The following EPHA4 variants were observed in gnomAD, a reference collection of about 807,000 sequenced individuals.
EPHA4 encodes ephrin type-A receptor 4.
EPHA4 carries 19 observed loss-of-function variants against 108.3 expected under a neutral mutation model. That is an observed-to-expected ratio of 0.18 (90% CI 0.12 to 0.26). The LOEUF (loss-of-function observed/expected upper bound fraction) is 0.26, where lower values mean the gene tolerates loss of function less well. Among genes scored for constraint, EPHA4 ranks in the 10% least tolerant of loss-of-function variants. The pLI, the probability that EPHA4 is intolerant of heterozygous loss-of-function variation, is 1.00. For synonymous variants in EPHA4, 449 were observed against 455.5 expected (o/e 0.99, Z 0.18); for missense variants, 917 against 1,254.0 (o/e 0.73, Z 4.06).
chr2:221,441,242 A>G (rs746651274), intron 11 of EPHA4, among the ~76,000 whole-genome samples: 1 of 148,730 alleles, frequency 6.7e-6, no homozygotes, highest in African/African-American at 2.5e-5. Flanking sequence ...TATTAAAAAA[A>G]TAGAGTCCAG....
In EPHA4 at chr2:221,553,634, T is replaced by C. The variant is rs372885207; in HGVS notation, c.823+10097A>G. 1.2e-3 allele frequency among the ~76,000 whole-genome samples: 189 copies of C among 152,272 alleles called. 1 individual carries two copies. The highest frequency in any genetic ancestry group is 5.6e-3 in the East Asian group (29 of 5,182). ...TTTGGCTTGGGCACAGGCAGCTTCA[T>C]TGGGGCAAACTGCTATTCACAGAAA... On this transcript the variant is annotated intron_variant, in intron 3 of 17. Transcript: ENST00000281821.
intron 17 of EPHA4, among the ~76,000 whole-genome samples, chr2:221,420,882 C>A (rs960461784): frequency 3.9e-5 from 6 of 152,118 alleles, no homozygotes; most frequent in Admixed American, 1.3e-4. Flanking sequence ...TGGGATTAGA[C>A]CCCACAAAGT....
chr2:221,563,830 C>A lies in EPHA4; in HGVS notation c.724G>T (p.Val242Leu). The change falls in exon 3 of 18, where the codon GTG becomes TTG. Residue 242 changes from valine (V) to leucine (L), a missense_variant. By Grantham distance (32) the Val-to-Leu change is conservative. Coordinates refer to ENST00000281821, the MANE Select transcript of EPHA4 (RefSeq NM_004438.5). ...TCTGCCCCACAGTACATTTTTGGCA[C>A]ATCTTTCTCTTCTGAGTTGTTGACA... ...SCVNNSEEKDVPKMYCGADGE... is the reference protein window; with the variant it reads ...SCVNNSEEKDLPKMYCGADGE... 1 of 1,614,222 alleles carries A rather than the reference C, an allele frequency of 6.2e-7. No individual in the cohort carries two copies. The highest frequency in any genetic ancestry group is 8.5e-7 in the Non-Finnish European group (1 of 1,180,048).
chr2:221,566,263 T>C (rs3770143), intron 2 of EPHA4, among the ~76,000 whole-genome samples: 16,122 of 151,530 alleles, frequency 0.11, 1,086 homozygotes, highest in East Asian at 0.14. Flanking sequence ...CAACAAGAAA[T>C]AAATGTCATT....
intron 4 of EPHA4, among the ~76,000 whole-genome samples, chr2:221,494,242 G>T (rs1265460082): frequency 6.6e-6 from 1 of 152,222 alleles, no homozygotes; most frequent in African/African-American, 2.4e-5. Context: ...GATATGCAAA[G>T]CCAATTTACT....
chr2:221,522,831 C>T (rs1382874563), intron 3 of EPHA4, among the ~76,000 whole-genome samples: 1 of 151,826 alleles, frequency 6.6e-6, no homozygotes, highest in Admixed American at 6.6e-5. Context: ...GGTGCAATCT[C>T]GGCTCACTGC....
At chr2:221,494,473 G>A (rs565750390) in intron 4 of EPHA4, among the ~76,000 whole-genome samples, 1 of 152,254 alleles carries the variant, frequency 6.6e-6, no homozygotes, top group Non-Finnish European at 1.5e-5. Context: ...GGGCATGGTG[G>A]TGCATGTCTG....
rs1692866155 is a variant in EPHA4, at chr2:221,512,739, T to TAGG, written c.824-11568_824-11567insCCT. ...TTCATCCCTTATTAGGTATGTGCAT[T>TAGG]TATTCATTCATTGGGCCATTTATGT... On this transcript the variant is annotated intron_variant, in intron 3 of 17. Transcript: ENST00000281821. Among the ~76,000 whole-genome samples the TAGG allele has an allele frequency of 3.3e-5, 5 of 152,348 alleles. No homozygotes were observed. The South Asian group carries it at 8.3e-4, about 25-fold the overall frequency.
At chr2:221,466,934 C>T (rs1304370871) in intron 5 of EPHA4, among the ~76,000 whole-genome samples, 2 of 152,108 alleles carry the variant, frequency 1.3e-5, no homozygotes, top group African/African-American at 2.4e-5. Flanking sequence ...TGACTGTTTT[C>T]CCACAGCAGT....
At chr2:221,458,158 T>C (rs907609416) in intron 5 of EPHA4, among the ~76,000 whole-genome samples, 168 bp from the exon 6 acceptor site, 5 of 152,180 alleles carry the variant, frequency 3.3e-5, no homozygotes, top group African/African-American at 1.2e-4. Context: ...TTCATCCTTC[T>C]CTCCAGTATA....
chr2:221,551,312 A>C (rs1242999354), intron 3 of EPHA4, among the ~76,000 whole-genome samples: 1 of 152,160 alleles, frequency 6.6e-6, no homozygotes, highest in East Asian at 1.9e-4. Context: ...ACCAGCTAGA[A>C]GATATAATTG....
intron 3 of EPHA4, chr2:221,533,123 A>G (rs999898787): frequency 4.6e-5 from 7 of 152,202 alleles, no homozygotes; most frequent in African/African-American, 1.7e-4. Context: ...TGCCAGTTAC[A>G]TTTCATCTGA....
chr2:221,459,428 G>T (rs1440137437), intron 5 of EPHA4, among the ~76,000 whole-genome samples: 3 of 151,932 alleles, frequency 2.0e-5, no homozygotes, highest in Non-Finnish European at 4.4e-5. Flanking sequence ...CAATCCCAAG[G>T]TTAGTAATAC....
At chr2:221,447,517 A>G (rs1366817316) in intron 8 of EPHA4, among the ~76,000 whole-genome samples, 3 of 152,076 alleles carry the variant, frequency 2.0e-5, no homozygotes, top group Non-Finnish European at 4.4e-5. Context: ...TCCCTCCCAC[A>G]TTCCTCTCCT....
chr2:221,548,704 G>T lies in EPHA4; in HGVS notation c.823+15027C>A, dbSNP rs1458629183. 5.3e-5 allele frequency among the ~76,000 whole-genome samples: 8 copies of T among 152,060 alleles called. No homozygotes were observed. In the East Asian group the frequency reaches 1.5e-3, roughly 29 times the overall value. ...AATAAGAAAGAGAGATGGCTAGCTG[G>T]GATTGTTGGAAGAGCTTCTCCATCT... On this transcript the variant is annotated intron_variant, in intron 3 of 17. Transcript: ENST00000281821.
upstream of EPHA4, chr2:221,572,336 C>A: frequency 8.1e-7 from 1 of 1,239,124 alleles, no homozygotes; most frequent in South Asian, 1.3e-5. Context: ...GAAGACATTG[C>A]CAAGGGGGCG....
rs369326575 is a variant in EPHA4, at chr2:221,499,715, AATATATATAT to A, written c.979+1292_979+1301del. Among the ~76,000 whole-genome samples the A allele has an allele frequency of 4.5e-3, 216 of 48,404 alleles. 4 individuals are homozygous for A. Among genetic ancestry groups the A allele is most frequent in the Middle Eastern group, 0.025 (1 of 40 alleles). The allele number at this position is 48,404 out of a possible 152,430, so 31.8% of individuals were successfully genotyped here. ...AATAGTCATAATGATAACTAAAACT[AATATATATAT>A]ATATATATATATATATATATATATA... On this transcript the variant is annotated intron_variant, in intron 4 of 17. Transcript: ENST00000281821.
chr2:221,489,685 C>T (rs1030959383), intron 4 of EPHA4, among the ~76,000 whole-genome samples: 1 of 152,108 alleles, frequency 6.6e-6, no homozygotes, highest in Admixed American at 6.5e-5. Flanking sequence ...ACATAAGCTC[C>T]AGGAGAAAAG....
chr2:221,470,254 C>G (rs1427939277), intron 5 of EPHA4, among the ~76,000 whole-genome samples: 7 of 149,876 alleles, frequency 4.7e-5, no homozygotes, highest in African/African-American at 1.7e-4. Flanking sequence ...AGCACAATGT[C>G]TAAGGACTGA....
Sources: gnomAD v4.1 joint callset for allele counts (sites outside exome capture counted in the v4.1 genomes callset) on GRCh38, gnomAD v4.1.1 for gene constraint, MANE v1.5 for transcripts, NCBI Gene and HGNC (gene_info 2026-07-23, HGNC 2026-07-21) for gene names.